The following EIF2D variants were observed in gnomAD, a reference collection of about 807,000 sequenced individuals.
EIF2D encodes hepatocellular carcinoma-associated antigen 56.
A neutral mutation model predicts 77.4 loss-of-function variants in EIF2D; 56 were observed. That is an observed-to-expected ratio of 0.72 (90% CI 0.58 to 0.90). The LOEUF is 0.90. Ranked by LOEUF, EIF2D falls within the 40% of genes least tolerant of loss-of-function variation. The pLI is 0.00. For missense variants in EIF2D, 574 were observed against 706.5 expected (o/e 0.81, Z 2.13); for synonymous variants, 230 against 271.0 (o/e 0.85, Z 1.49).
chr1:206,609,095 T>C (rs562194562), intron 3 of EIF2D, among the ~76,000 whole-genome samples: 4 of 152,194 alleles, frequency 2.6e-5, no homozygotes, highest in South Asian at 4.1e-4. Context: ...TATAACATGA[T>C]CTGTCTTGTC....
Position 206,599,410 on chromosome 1 carries a change from C to T in EIF2D, c.1202+53G>A. On this transcript the variant is annotated intron_variant, in intron 10 of 14. Transcript: ENST00000271764. This position sits in a 1 kb window ranked among gnomAD's most constrained non-coding sequence, Gnocchi z 4.1. ...AGAGCACTACTCAGGTTGAGAGGAA[C>T]TGTAGGCCAGAACACCAAGCAGGCA... 6.2e-7 allele frequency: 1 copy of T among 1,602,332 alleles called. No individual in the cohort carries two copies. Among genetic ancestry groups the T allele is most frequent in the Non-Finnish European group, 8.5e-7 (1 of 1,174,980 alleles).
rs1669392926 is a variant in EIF2D at position 206,592,569 on chromosome 1, A to G, written c.1685-724T>C. On this transcript the variant is annotated intron_variant, in intron 14 of 14. Coordinates refer to ENST00000271764, the MANE Select transcript of EIF2D (RefSeq NM_006893.3). This position sits in a 1 kb window ranked among gnomAD's most constrained non-coding sequence, Gnocchi z 4.7. ...GGAGACCAGGACAGCTGGTGCCTGC[A>G]ACATGGGTGTAGGAGCTGCCAGAGA... Among the ~76,000 whole-genome samples the G allele has an allele frequency of 6.6e-6, 1 of 152,226 alleles. No homozygotes were observed. Among genetic ancestry groups the G allele is most frequent in the South Asian group, 2.1e-4 (1 of 4,838 alleles).
chr1:206,602,847 C>A (rs549658015), intron 6 of EIF2D, 104 bp downstream of exon 6: 7 of 1,487,922 alleles, frequency 4.7e-6, no homozygotes, highest in East Asian at 2.3e-5. Context: ...TTCCCCTCCT[C>A]CCCCGGAAGC....
At chr1:206,577,139 C>T (rs576512082) in intron 4 of EIF2D, among the ~76,000 whole-genome samples, 2 of 152,248 alleles carry the variant, frequency 1.3e-5, no homozygotes, top group African/African-American at 2.4e-5. Flanking sequence ...AACCCAGTCA[C>T]ACTCATCCAG....
intron 2 of EIF2D, 38 bp from the exon 3 acceptor site, chr1:206,609,497 A>T: frequency 6.5e-7 from 1 of 1,547,510 alleles, no homozygotes; most frequent in Non-Finnish European, 8.9e-7. Flanking sequence ...TACTACCAAA[A>T]AGCCAATCTT....
chr1:206,599,791 C>T lies in EIF2D; in HGVS notation c.994G>A (p.Val332Met). ...QQMQQEQIIQVKELSKGVESI... is the reference protein window; with the variant it reads ...QQMQQEQIIQMKELSKGVESI... Reference sequence around the variant, plus strand: ...TCCACCCCTTTGCTCAGCTCCTTCACCTGTATAATCTGCTCCTGCTGCATT... The same window carrying T: ...TCCACCCCTTTGCTCAGCTCCTTCATCTGTATAATCTGCTCCTGCTGCATT... The change falls in exon 9 of 15, where the codon GTG (valine) becomes ATG (methionine). Residue 332 changes from valine to methionine, a missense_variant. By Grantham distance (21) the Val-to-Met change is conservative (BLOSUM62 1). Transcript: ENST00000271764. The surrounding 1 kb of genome is among the most constrained non-coding windows in gnomAD (Gnocchi z 4.1). 1 of 1,614,130 alleles carries T rather than the reference C, an allele frequency of 6.2e-7. No homozygotes were observed. Among genetic ancestry groups the T allele is most frequent in the Non-Finnish European group, 8.5e-7 (1 of 1,180,028 alleles).
chr1:206,607,484 C>T (rs547063028), intron 4 of EIF2D, among the ~76,000 whole-genome samples: 5 of 152,268 alleles, frequency 3.3e-5, no homozygotes, highest in South Asian at 4.1e-4. Flanking sequence ...GGAGGCTAGA[C>T]GTAGTGGCTC....
chr1:206,590,831 T>C (rs1365188989), downstream of EIF2D, among the ~76,000 whole-genome samples: 2 of 152,220 alleles, frequency 1.3e-5, no homozygotes, highest in African/African-American at 2.4e-5. Flanking sequence ...TGTCTCTTAA[T>C]GGTAAAACCC....
Position 206,599,598 on chromosome 1 carries a change from A to T in EIF2D, c.1067T>A (p.Val356Asp). The change falls in exon 10 of 15, where the codon GTC becomes GAC. Residue 356 changes from valine to aspartate, a missense_variant. Val to Asp is a radical substitution (Grantham distance 152). Transcript: ENST00000271764. This position sits in a 1 kb window ranked among gnomAD's most constrained non-coding sequence, Gnocchi z 4.1. The part of the protein sequence containing the change: ...DWKHPRITSF[V>D]IPEPSPTSQT... ...GGAGGTCGGGGAGGGCTCGGGTATG[A>T]CGAAAGATGTAATCCTAAAACCCAG... 1 of 1,598,976 alleles carries T rather than the reference A, an allele frequency of 6.3e-7. No homozygotes were observed. Among genetic ancestry groups the T allele is most frequent in the Non-Finnish European group, 8.5e-7 (1 of 1,172,652 alleles).
downstream of EIF2D, chr1:206,588,440 G>A (rs141041350): frequency 6.6e-6 from 1 of 152,460 alleles, no homozygotes; most frequent in African/African-American, 2.4e-5. Context: ...CAGGACTGCA[G>A]AGACACTCCA....
chr1:206,585,342 G>T (rs1553407407), intron 2 of EIF2D: 2 of 1,318,930 alleles, frequency 1.5e-6, no homozygotes, highest in South Asian at 2.4e-5. Flanking sequence ...GGCACCCTGG[G>T]TGGGTGCAGG....
downstream of EIF2D, among the ~76,000 whole-genome samples, chr1:206,570,406 T>A (rs1668410740): frequency 6.6e-6 from 1 of 152,118 alleles, no homozygotes; most frequent in Non-Finnish European, 1.5e-5. Context: ...AATGTACCAT[T>A]CTTAAGTGCA....
At chr1:206,610,118 A>G (rs1670400040) in intron 2 of EIF2D, among the ~76,000 whole-genome samples, 1 of 152,220 alleles carries the variant, frequency 6.6e-6, no homozygotes, top group African/African-American at 2.4e-5. Context: ...CTATGGTTAA[A>G]GTACACCATG....
chr1:206,593,470 AGAGAGAGAGAGAGAGAGC>A (rs1669456066), intron 14 of EIF2D, 131 bp downstream of exon 14: 3 of 397,746 alleles, frequency 7.5e-6, no homozygotes, highest in Non-Finnish European at 1.2e-5. Context: ...CTAAATGGAG[AGAGAGAGAGAGAGAGAGC>A]GAGAGAGAGA....
rs782029951 is a variant in EIF2D, at chr1:206,584,677, C to T, written c.139-3515G>A. The T allele has an allele frequency of 5.6e-6, 9 of 1,614,200 alleles. No homozygotes were observed. The Middle Eastern group carries it at 4.9e-4, about 89-fold the overall frequency. ...CACTTTTTAAGCGGATACACAAGGACGGACAAGGTAGGAGAAAGAGTGAAC... is the reference window on the plus strand; with the variant it reads ...CACTTTTTAAGCGGATACACAAGGATGGACAAGGTAGGAGAAAGAGTGAAC... On this transcript the variant is annotated intron_variant and NMD_transcript_variant, in intron 2 of 5. Transcript: ENST00000472709. The surrounding 1 kb of genome is among the most constrained non-coding windows in gnomAD (Gnocchi z 4.9).
chr1:206,581,216 C>T (rs1402727949), intron 2 of EIF2D: 1 of 152,148 alleles, frequency 6.6e-6, no homozygotes, highest in Non-Finnish European at 1.5e-5. Context: ...GTGAAAGTAC[C>T]CAGCACAGGC....
At chr1:206,591,537 G>A (rs1232899668), downstream of EIF2D, 12 of 559,006 alleles carry the variant, frequency 2.1e-5, no homozygotes, top group East Asian at 3.6e-4. Flanking sequence ...GAAACCACAT[G>A]GACAGAATGG....
rs1553405918 is a variant in EIF2D at position 206,579,905 on chromosome 1, T to A, written c.*254+787A>T. ...TTCATTTGGTCCATGGGTCACATCT[T>A]GTCTGCCAGATATTTTTGTGGGCAG... On this transcript the variant is annotated intron_variant and NMD_transcript_variant, in intron 4 of 5. Transcript: ENST00000472709. This position sits in a 1 kb window ranked among gnomAD's most constrained non-coding sequence, Gnocchi z 4.2. Among the ~76,000 whole-genome samples the A allele has an allele frequency of 6.6e-6, 1 of 152,208 alleles. No homozygotes were observed. Among genetic ancestry groups the A allele is most frequent in the Non-Finnish European group, 1.5e-5 (1 of 68,044 alleles).
chr1:206,577,586 C>T (rs1000085991), intron 4 of EIF2D, among the ~76,000 whole-genome samples: 5 of 152,232 alleles, frequency 3.3e-5, no homozygotes, highest in Non-Finnish European at 5.9e-5. Context: ...GCCCAACACA[C>T]ACTTGTGTTC....
Sources: gnomAD v4.1 joint callset for allele counts (sites outside exome capture counted in the v4.1 genomes callset) on GRCh38, gnomAD v4.1.1 for gene constraint, Gnocchi (gnomAD v3.1) non-coding constraint, MANE v1.5 for transcripts, NCBI Gene and HGNC (gene_info 2026-07-23, HGNC 2026-07-21) for gene names.